Variants in TUBG2 observed in about 807,000 individuals in gnomAD.
TUBG2 encodes tubulin gamma 2.
Under a neutral mutation model 55.1 loss-of-function variants are expected in TUBG2, and 39 were observed. The observed-to-expected ratio is 0.71, with a 90% CI of 0.55 to 0.93. The LOEUF (loss-of-function observed/expected upper bound fraction) is 0.93, where lower values mean the gene tolerates loss of function less well. Ranked by LOEUF, TUBG2 falls within the 40% of genes least tolerant of loss-of-function variation. The pLI is 0.00. For synonymous variants in TUBG2, 223 were observed against 241.0 expected, an observed-to-expected ratio of 0.93 and a Z score of 0.69; for missense variants, 358 against 599.1, an observed-to-expected ratio of 0.60 and a Z score of 4.20.
In TUBG2 at chr17:42,666,240, G is replaced by A; in HGVS notation, c.996+1G>A. 6.2e-7 allele frequency: 1 copy of A among 1,614,004 alleles called. No homozygotes were observed. The highest frequency in any genetic ancestry group is 1.1e-5 in the South Asian group (1 of 91,078). On this transcript the variant is annotated splice_donor_variant, in intron 9 of 10. Coordinates refer to ENST00000251412, the MANE Select transcript of TUBG2 (RefSeq NM_016437.3). LOFTEE classifies it high-confidence loss of function. ...CCAGGGAGAGGTGGACCCCACCCAG[G>A]TAGGGGAGGCCCCTTCATCCCGCGC...
At chr17:42,660,549 C>A in intron 3 of TUBG2, 90 bp from the exon 4 acceptor site, 1 of 1,384,020 alleles carries the variant, frequency 7.2e-7, no homozygotes, top group Non-Finnish European at 1.0e-6. Context: ...CAACAATATT[C>A]CAGGGTAGAC....
intron 1 of TUBG2, 89 bp from the exon 2 acceptor site, chr17:42,659,745 C>A: frequency 1.3e-6 from 2 of 1,535,718 alleles, no homozygotes; most frequent in Non-Finnish European, 1.8e-6. Flanking sequence ...CTTGGGTCCA[C>A]CCTCTGATCG....
At position 42,659,950 on chromosome 17, in the gene TUBG2, C is replaced by T. The variant is rs1253719553; in HGVS notation, c.162+4C>T. 4 of 1,599,576 alleles carry T rather than the reference C, an allele frequency of 2.5e-6. No individual in the cohort carries two copies. In the South Asian group the frequency reaches 4.4e-5, roughly 18 times the overall value. ...CAAGGACGTCTTTTTCTACCAGGTG[C>T]CCCCAGCGACTTGGCCGGGGGCGGC... On this transcript the variant is annotated splice_donor_region_variant and intron_variant, in intron 2 of 10. Coordinates refer to ENST00000251412, the MANE Select transcript of TUBG2 (RefSeq NM_016437.3).
chr17:42,662,460 G>T (rs1026423073), intron 4 of TUBG2, among the ~76,000 whole-genome samples: 9 of 152,050 alleles, frequency 5.9e-5, no homozygotes, highest in African/African-American at 1.9e-4. Flanking sequence ...AAAAAAATTA[G>T]CCAGGCGTGG....
At position 42,666,077 on chromosome 17, in the gene TUBG2, G is replaced by A. The variant is rs545753389; in HGVS notation, c.844-10G>A. ...GCGCTGGCCGGGTCCCTGTCTCACT[G>A]TCCCATCAGGTGGCCAGCGTGAGGA... is the stretch of plus-strand genomic sequence containing the variant. On this transcript the variant is annotated splice_polypyrimidine_tract_variant and intron_variant, in intron 8 of 10. Transcript: ENST00000251412. 20 of 1,613,960 alleles carry A rather than the reference G, an allele frequency of 1.2e-5. No individual in the cohort carries two copies. The South Asian group carries it at 1.9e-4, about 15-fold the overall frequency.
rs1471987298 is a variant in TUBG2, at chr17:42,659,475, G to C, written c.-29G>C. ...TCTCAGCCGTGACTCTCGCCAGGCC[G>C]GGGCTGGCGCGCCCACGTCTGAAGA... On this transcript the variant is annotated 5_prime_UTR_variant, in exon 1 of 11. Transcript: ENST00000251412. 4 of 1,543,542 alleles carry C rather than the reference G, an allele frequency of 2.6e-6. No homozygotes were observed. In the South Asian group the frequency reaches 3.6e-5, roughly 14 times the overall value.
At chr17:42,659,709 C>A in intron 1 of TUBG2, 125 bp from the exon 2 acceptor site, 1 of 1,398,592 alleles carries the variant, frequency 7.2e-7, no homozygotes, top group Non-Finnish European at 9.7e-7. Context: ...CAGCCCGGGG[C>A]TGGGGCAGCT....
intron 6 of TUBG2, among the ~76,000 whole-genome samples, chr17:42,664,860 A>ATG (rs1270118509): frequency 2.2e-5 from 1 of 46,272 alleles, no homozygotes; most frequent in Non-Finnish European, 3.8e-5. Context: ...ATTTATATAT[A>ATG]TATATATATA....
rs932010155 is a variant in TUBG2 at position 42,666,929 on chromosome 17, G to A, written c.*129G>A. ...CATCTCCAGCCCGTGAGCTGGTCCT[G>A]CTTCCTCCCTTCCATGCCCTAACTT... is the stretch of plus-strand genomic sequence containing the variant. On this transcript the variant is annotated 3_prime_UTR_variant, in exon 11 of 11. Coordinates refer to ENST00000251412, the MANE Select transcript of TUBG2 (RefSeq NM_016437.3). The A allele has an allele frequency of 5.4e-6, 5 of 918,206 alleles. No homozygotes were observed. The highest frequency in any genetic ancestry group is 5.0e-5 in the Admixed American group (2 of 39,830). The allele number at this position is 918,206 out of a possible 1,614,324, so 56.9% of individuals were successfully genotyped here. A position where few individuals can be genotyped will look rare whatever the true frequency, so the allele number is the denominator to read the frequency against.
chr17:42,662,821 T>G, intron 4 of TUBG2, 152 bp from the exon 5 acceptor site: 1 of 663,842 alleles, frequency 1.5e-6, no homozygotes, highest in Middle Eastern at 3.1e-4. Context: ...AGTCCAGAAT[T>G]GAAGTGAATT....
Position 42,663,673 on chromosome 17 carries a change from G to A in TUBG2, c.606+170G>A, listed in dbSNP as rs1029671576. ...AATACAAAAATTAGAGCTGGGTGCG[G>A]TGGTTCACACCTGTAATCCCAGCAC... On this transcript the variant is annotated intron_variant, in intron 6 of 10. Transcript: ENST00000251412. 3.9e-5 allele frequency among the ~76,000 whole-genome samples: 6 copies of A among 152,248 alleles called. No homozygotes were observed. The South Asian group carries it at 6.2e-4, about 16-fold the overall frequency.
Position 42,665,690 on chromosome 17 carries a change from A to G in TUBG2, c.706A>G (p.Met236Val). ...CGCCTGTCCCCAGGTGTCCACCATC[A>G]TGTCGGCCAGCACCACCACCCTGCG... Reference protein sequence around the residue: ...SQINQLVSTIMSASTTTLRYP... With the variant: ...SQINQLVSTIVSASTTTLRYP... Residue 236 changes from methionine (M) to valine (V), a missense_variant, in exon 8 of 11, where the codon ATG becomes GTG. Around this residue, in one of 8 missense-constraint regions of TUBG2, gnomAD observed 129 missense variants for 251.6 expected, o/e 0.51. Transcript: ENST00000251412. 6.2e-7 allele frequency: 1 copy of G among 1,614,126 alleles called. No individual in the cohort carries two copies. Among genetic ancestry groups the G allele is most frequent in the Non-Finnish European group, 8.5e-7 (1 of 1,180,012 alleles).
At position 42,662,988 on chromosome 17, in the gene TUBG2, C is replaced by T. The variant is rs758907508; in HGVS notation, c.415C>T (p.His139Tyr). The change falls in exon 5 of 11, where the codon CAC (histidine) becomes TAC (tyrosine). Residue 139 changes from histidine (H) to tyrosine (Y), a missense_variant. His to Tyr is a moderately conservative substitution (Grantham distance 83). This residue lies in a region of TUBG2 where 30 missense variants were observed against 52.8 expected (regional missense o/e 0.57). Coordinates refer to ENST00000251412, the MANE Select transcript of TUBG2 (RefSeq NM_016437.3). ...ATACACACAGGGCTTCGTGCTGTGT[C>T]ACTCCATCGCTGGGGGTACGGGTTC... ...SDSLEGFVLCHSIAGGTGSGL... is the reference protein window; with the variant it reads ...SDSLEGFVLCYSIAGGTGSGL... 1 of 1,614,012 alleles carries T rather than the reference C, an allele frequency of 6.2e-7. No homozygotes were observed. The highest frequency in any genetic ancestry group is 8.5e-7 in the Non-Finnish European group (1 of 1,180,008).
chr17:42,659,318 C>G lies in TUBG2; in HGVS notation c.-186C>G. On this transcript the variant is annotated 5_prime_UTR_variant, in exon 1 of 11. Coordinates refer to ENST00000251412, the MANE Select transcript of TUBG2 (RefSeq NM_016437.3). The stretch of plus-strand genomic sequence containing the variant: ...GCGACTGCTGAGGGAGAAAATGATG[C>G]CCAGGTTGGGCTCCCCGGCCCACCG... 1 of 555,888 alleles carries G rather than the reference C, an allele frequency of 1.8e-6. No individual in the cohort carries two copies. The highest frequency in any genetic ancestry group is 3.1e-6 in the Non-Finnish European group (1 of 325,384). The allele number at this position is 555,888 out of a possible 1,614,324, so 34.4% of individuals were successfully genotyped here.
rs925939056 is a variant in TUBG2, at chr17:42,662,839, A to G, written c.400-134A>G. On this transcript the variant is annotated intron_variant, in intron 4 of 10. Transcript: ENST00000251412. ...CCAGAATTGAAGTGAATTAGTGGATACCCAGCTGGCATCTACTGTAGAATT... is the reference window on the plus strand; with the variant it reads ...CCAGAATTGAAGTGAATTAGTGGATGCCCAGCTGGCATCTACTGTAGAATT... The G allele has an allele frequency of 4.1e-6, 3 of 732,920 alleles. No individual in the cohort carries two copies. The African/African-American group carries it at 5.3e-5, about 13-fold the overall frequency. The allele number at this position is 732,920 out of a possible 1,614,324, so 45.4% of individuals were successfully genotyped here.
intron 4 of TUBG2, chr17:42,661,035 C>T: frequency 3.4e-6 from 1 of 292,246 alleles, no homozygotes; most frequent in Non-Finnish European, 6.7e-6. Flanking sequence ...AAGCCGAAGT[C>T]TCTCCCCCAG....
Position 42,659,329 on chromosome 17 carries a change from C to G in TUBG2, c.-175C>G, listed in dbSNP as rs147092965. On this transcript the variant is annotated 5_prime_UTR_variant, in exon 1 of 11. Transcript: ENST00000251412. ...GGGAGAAAATGATGCCCAGGTTGGG[C>G]TCCCCGGCCCACCGGCCGAGGAGAG... 2 of 598,834 alleles carry G rather than the reference C, an allele frequency of 3.3e-6. No homozygotes were observed. Among genetic ancestry groups the G allele is most frequent in the Non-Finnish European group, 5.5e-6 (2 of 364,262 alleles). 37.1% of individuals were successfully genotyped at this position (598,834 alleles called of 1,614,324 possible).
At chr17:42,664,723 C>G (rs2052475152) in intron 6 of TUBG2, among the ~76,000 whole-genome samples, 1 of 151,800 alleles carries the variant, frequency 6.6e-6, no homozygotes, top group South Asian at 2.1e-4. Context: ...CTGTGGTCTT[C>G]CCAGAGCCAG....
rs774166698 is a variant in TUBG2 at position 42,662,939 on chromosome 17, G to A, written c.400-34G>A. ...ATTGTGTTGTGAGAGTGTGGCAGGA[G>A]AAACTGAGTCTGTTTATTCCTGTAT... On this transcript the variant is annotated intron_variant, in intron 4 of 10. Coordinates refer to ENST00000251412, the MANE Select transcript of TUBG2 (RefSeq NM_016437.3). The A allele has an allele frequency of 2.5e-6, 4 of 1,602,364 alleles. No individual in the cohort carries two copies. The Admixed American group carries it at 5.1e-5, about 20-fold the overall frequency.
Sources: allele counts gnomAD v4.1 joint callset (sites outside exome capture counted in the v4.1 genomes callset), GRCh38; gene constraint gnomAD v4.1.1; regional missense constraint gnomAD v4.1.1; transcripts MANE v1.5; gene names NCBI Gene and HGNC (gene_info 2026-07-23, HGNC 2026-07-21).